Variants in PALM3 observed in about 807,000 individuals in gnomAD.
PALM3 encodes the protein paralemmin-3.
In PALM3, 20 loss-of-function variants were observed where a neutral mutation model predicts 27.9. The observed-to-expected ratio is 0.72, with a 90% CI of 0.50 to 1.04. The LOEUF (loss-of-function observed/expected upper bound fraction) is 1.04, where lower values mean the gene tolerates loss of function less well. Among genes scored for constraint, PALM3 ranks in the 50% least tolerant of loss-of-function variants. The pLI, the probability that PALM3 is intolerant of heterozygous loss-of-function variation, is 0.00. For synonymous variants in PALM3, 328 were observed against 352.7 expected (o/e 0.93, Z 0.79); for missense variants, 814 against 869.4 (o/e 0.94, Z 0.80).
Position 14,053,523 on chromosome 19 carries a change from C to T in PALM3, c.*82G>A. ...CCATGGCCAGTCCTGTGGTCCCTGT[C>T]TGTGCCTGGGACCCTCTTCTGGGTG... On this transcript the variant is annotated 3_prime_UTR_variant, in exon 7 of 7. Coordinates refer to ENST00000669674, the MANE Select transcript of PALM3 (RefSeq NM_001145028.2). The T allele has an allele frequency of 7.1e-7, 1 of 1,406,458 alleles. No homozygotes were observed. Among genetic ancestry groups the T allele is most frequent in the Non-Finnish European group, 9.3e-7 (1 of 1,074,006 alleles). The allele number at this position is 1,406,458 out of a possible 1,614,324, so 87.1% of individuals were successfully genotyped here. A position where few individuals can be genotyped will look rare whatever the true frequency, so the allele number is the denominator to read the frequency against.
rs1309965286 is a variant in PALM3 at position 14,054,239 on chromosome 19, T to C, written c.1433A>G (p.His478Arg). Reference sequence around the variant, plus strand: ...ATCTCCTTCCTTCTCTGCCCTCAAATGTCCCTCAACTTTTCTCTCTATGCC... The same window carrying C: ...ATCTCCTTCCTTCTCTGCCCTCAAACGTCCCTCAACTTTTCTCTCTATGCC... Reference protein sequence around the residue: ...PLGIERKVEGHLRAEKEGDEE... With the variant: ...PLGIERKVEGRLRAEKEGDEE... The change falls in exon 7 of 7, where the codon CAT becomes CGT. Residue 478 changes from histidine to arginine, a missense_variant. By Grantham distance (29) the His-to-Arg change is conservative. Coordinates refer to ENST00000669674, the MANE Select transcript of PALM3 (RefSeq NM_001145028.2). 6.4e-7 allele frequency: 1 copy of C among 1,552,116 alleles called. No homozygotes were observed. The highest frequency in any genetic ancestry group is 2.0e-5 in the Admixed American group (1 of 50,968).
chr19:14,054,856 T>C lies in PALM3; in HGVS notation c.816A>G (p.Gly272=). 3 of 1,545,528 alleles carry C rather than the reference T, an allele frequency of 1.9e-6. 1 individual carries two copies. The highest frequency in any genetic ancestry group is 8.7e-7 in the Non-Finnish European group (1 of 1,145,820). ...AGGCCGGGAGCTCCAGGCTACCAGC[T>C]CCCTTCCTGTCTCCGATGGCTTCCA... ...VVLEAIGDRK[G]AGSLELPAWV... The change falls in exon 7 of 7, where the codon GGA becomes GGG. Residue 272 remains glycine (G), a synonymous_variant. Transcript: ENST00000669674.
intron 3 of PALM3, 38 bp downstream of exon 3, chr19:14,057,313 T>C: frequency 7.6e-7 from 1 of 1,321,370 alleles, no homozygotes; most frequent in Non-Finnish European, 1.0e-6. Context: ...CCCCACTCCA[T>C]TCCCCAGGCT....
At position 14,054,857 on chromosome 19, in the gene PALM3, C is replaced by G. The variant is rs1366735238; in HGVS notation, c.815G>C (p.Gly272Ala). 1.3e-6 allele frequency: 2 copies of G among 1,549,518 alleles called. No homozygotes were observed. Among genetic ancestry groups the G allele is most frequent in the Non-Finnish European group, 1.7e-6 (2 of 1,146,530 alleles). Residue 272 changes from glycine (G) to alanine (A), a missense_variant, in exon 7 of 7, where the codon GGA becomes GCA. Gly to Ala is a moderately conservative substitution (Grantham distance 60, BLOSUM62 0). Transcript: ENST00000669674. ...GGCCGGGAGCTCCAGGCTACCAGCT[C>G]CCTTCCTGTCTCCGATGGCTTCCAG... ...VVLEAIGDRK[G>A]AGSLELPAWV... is the part of the protein sequence containing the mutation.
Position 14,053,372 on chromosome 19 carries a change from T to A in PALM3, c.*233A>T. 1 of 437,922 alleles carries A rather than the reference T, an allele frequency of 2.3e-6. No homozygotes were observed. The highest frequency in any genetic ancestry group is 4.0e-6 in the Non-Finnish European group (1 of 250,874). The allele number at this position is 437,922 out of a possible 1,614,324, so 27.1% of individuals were successfully genotyped here. ...ACACACACATTCAAGCCGTCTTGAGTGCTTTCACATTTTATTTTCAAGTAT... is the reference window on the plus strand; with the variant it reads ...ACACACACATTCAAGCCGTCTTGAGAGCTTTCACATTTTATTTTCAAGTAT... On this transcript the variant is annotated 3_prime_UTR_variant, in exon 7 of 7. Transcript: ENST00000669674.
chr19:14,057,505 C>T, intron 2 of PALM3, 74 bp from the exon 3 acceptor site: 6 of 1,239,962 alleles, frequency 4.8e-6, no homozygotes, highest in Non-Finnish European at 6.5e-6. Context: ...TCCCTTTCCC[C>T]TCCCTCCTCC....
intron 1 of PALM3, among the ~76,000 whole-genome samples, chr19:14,061,705 G>A (rs1038205099): frequency 2.0e-5 from 3 of 152,068 alleles, no homozygotes; most frequent in Non-Finnish European, 2.9e-5. Context: ...CCCTGGCAGC[G>A]GAAAATCCCC....
At chr19:14,061,795 TGGG>T in intron 1 of PALM3, 142 bp downstream of exon 1, 1 of 242,148 alleles carries the variant, frequency 4.1e-6, no homozygotes, top group Non-Finnish European at 6.6e-6. Context: ...GATGAGCCTA[TGGG>T]GTTGGCTAGC....
At position 14,054,979 on chromosome 19, in the gene PALM3, G is replaced by T; in HGVS notation, c.693C>A (p.Gly231=). 2 of 1,548,638 alleles carry T rather than the reference G, an allele frequency of 1.3e-6. No individual in the cohort carries two copies. Among genetic ancestry groups the T allele is most frequent in the African/African-American group, 2.7e-5 (2 of 73,122 alleles). The change falls in exon 7 of 7, where the codon GGC becomes GGA. Residue 231 remains glycine, a synonymous_variant. Transcript: ENST00000669674. ...EGRVGEAKGG[G]VVSVVWEGLR... ...GCCCTTCCCACACCACACTCACCAC[G>T]CCCCCTCCTTTGGCCTCACCCACCC...
intron 2 of PALM3, chr19:14,057,716 T>C (rs1399475131): frequency 1.3e-4 from 1 of 7,996 alleles, no homozygotes; most frequent in Non-Finnish European, 2.5e-4. Flanking sequence ...TGGGGGTCTG[T>C]GGATGGGGGG....
At chr19:14,057,799 G>A (rs1976338130) in intron 2 of PALM3, among the ~76,000 whole-genome samples, 2 of 152,082 alleles carry the variant, frequency 1.3e-5, no homozygotes, top group Non-Finnish European at 2.9e-5. Flanking sequence ...ACGAGGTTAA[G>A]AGAAATGGGG....
chr19:14,056,944 T>C (rs2086244634), intron 3 of PALM3, 140 bp from the exon 4 acceptor site: 3 of 862,672 alleles, frequency 3.5e-6, no homozygotes, highest in South Asian at 3.6e-5. Flanking sequence ...CTGGGATACA[T>C]GGCCACAGTG....
chr19:14,054,686 G>A lies in PALM3; in HGVS notation c.986C>T (p.Ala329Val). Reference sequence around the variant, plus strand: ...GGGCACATCTTCCCCTTCTATGGAAGCTGCTGCCTCTAATCTCTCCTGGAG... The same window carrying A: ...GGGCACATCTTCCCCTTCTATGGAAACTGCTGCCTCTAATCTCTCCTGGAG... The part of the protein sequence containing the change: ...PRLQERLEAA[A>V]SIEGEDVPQG... Residue 329 changes from alanine (A) to valine (V), a missense_variant, in exon 7 of 7, where the codon GCT (alanine) becomes GTT (valine). Physicochemically the swap from Ala to Val is moderately conservative, Grantham distance 64. Coordinates refer to ENST00000669674, the MANE Select transcript of PALM3 (RefSeq NM_001145028.2). 6.4e-7 allele frequency: 1 copy of A among 1,551,420 alleles called. No homozygotes were observed. The highest frequency in any genetic ancestry group is 8.7e-7 in the Non-Finnish European group (1 of 1,146,848).
chr19:14,061,792 CTATGGGG>C (rs1976417974), intron 1 of PALM3, 141 bp downstream of exon 1: 4 of 230,960 alleles, frequency 1.7e-5, no homozygotes, highest in Non-Finnish European at 2.1e-5. Flanking sequence ...ACTGATGAGC[CTATGGGG>C]TTGGCTAGCC....
chr19:14,055,350 A>AC (rs771101234), intron 6 of PALM3, 30 bp downstream of exon 6: 1 of 1,547,770 alleles, frequency 6.5e-7, no homozygotes, highest in African/African-American at 1.4e-5. Flanking sequence ...GGGTGACCTG[A>AC]CCCCCAGACC....
Position 14,054,016 on chromosome 19 carries a change from A to C in PALM3, c.1656T>G (p.Asp552Glu), listed in dbSNP as rs1215065142. ...CCCTAGACCCTTGTTCTAGATTCAGATCTCCCTCCGTCCCTTGGGTCTTCT... is the reference window on the plus strand; with the variant it reads ...CCCTAGACCCTTGTTCTAGATTCAGCTCTCCCTCCGTCCCTTGGGTCTTCT... ...ETEKTQGTEG[D>E]LNLEQGSREG... The change falls in exon 7 of 7, where the codon GAT (aspartate) becomes GAG (glutamate). Residue 552 changes from aspartate (D) to glutamate (E), a missense_variant. Asp to Glu is a conservative substitution (Grantham distance 45). Coordinates refer to ENST00000669674, the MANE Select transcript of PALM3 (RefSeq NM_001145028.2). The C allele has an allele frequency of 2.6e-6, 4 of 1,550,676 alleles. No homozygotes were observed. The highest frequency in any genetic ancestry group is 2.8e-5 in the African/African-American group (2 of 72,596).
At chr19:14,057,291 T>C (rs1280313217) in intron 3 of PALM3, 60 bp downstream of exon 3, 59 of 1,147,794 alleles carry the variant, frequency 5.1e-5, no homozygotes, top group Non-Finnish European at 6.3e-5. Context: ...CAAACCGACT[T>C]GCACAGACAC....
In PALM3 at chr19:14,054,421, C is replaced by T; in HGVS notation, c.1251G>A (p.Met417Ile). 1.3e-6 allele frequency: 2 copies of T among 1,551,948 alleles called. No homozygotes were observed. The highest frequency in any genetic ancestry group is 1.2e-5 in the South Asian group (1 of 84,064). ...CTGGCTTTTCCTCACTTCCTATTCC[C>T]ATGGATTCTTCCGCTTTTCTCTTCT... is the stretch of plus-strand genomic sequence containing the variant. ...EAEKRKAEES[M>I]GIGSEEKPGT... Residue 417 changes from methionine (M) to isoleucine (I), a missense_variant, in exon 7 of 7, where the codon ATG becomes ATA. Met to Ile is a conservative substitution (Grantham distance 10). Transcript: ENST00000669674.
rs1247095134 is a variant in PALM3, at chr19:14,055,194, G to C, written c.478C>G (p.Pro160Ala). The change falls in exon 7 of 7, where the codon CCG (proline) becomes GCG (alanine). Residue 160 changes from proline (P) to alanine (A), a missense_variant. By Grantham distance (27) the Pro-to-Ala change is conservative. Transcript: ENST00000669674. ...QTDLNKRASL[P>A]AGLVGTPPES... ...GGAGGCGTGCCCACTAGTCCAGCCG[G>C]CAGGGAGGCTCTCTTGTTCAGATCA... The C allele has an allele frequency of 1.3e-6, 2 of 1,538,270 alleles. No homozygotes were observed. The highest frequency in any genetic ancestry group is 2.0e-5 in the Admixed American group (1 of 49,688).
Sources: gnomAD v4.1 joint callset for allele counts (sites outside exome capture counted in the v4.1 genomes callset) on GRCh38, gnomAD v4.1.1 for gene constraint, MANE v1.5 for transcripts, NCBI Gene and HGNC (gene_info 2026-07-23, HGNC 2026-07-21) for gene names.